The following TONSL variants were observed in gnomAD, a reference collection of about 807,000 sequenced individuals.
The protein encoded by TONSL is tonsoku-like protein.
A neutral mutation model predicts 147.1 loss-of-function variants in TONSL; 112 were observed. The observed-to-expected ratio is 0.76, with a 90% CI of 0.65 to 0.89. The LOEUF is 0.89. TONSL is among the 40% of genes least tolerant of loss of function. The pLI is 0.00. For missense variants in TONSL, 1,883 were observed against 1,864.6 expected, an observed-to-expected ratio of 1.01 and a Z score of -0.18; for synonymous variants, 868 against 801.5, an observed-to-expected ratio of 1.08 and a Z score of -1.40.
Position 144,443,969 on chromosome 8 carries a change from G to T in TONSL, c.177C>A (p.Arg59=). Residue 59 remains arginine (R), a synonymous_variant, in exon 3 of 26, where the codon CGC becomes CGA. Coordinates refer to ENST00000409379, the MANE Select transcript of TONSL (RefSeq NM_013432.5). Reference sequence around the variant, plus strand: ...CGGCACAGCCCAGAGGGTCGTCAGCGCGCTCCCGAAGCTGCAGCTCCTGCC... The same window carrying T: ...CGGCACAGCCCAGAGGGTCGTCAGCTCGCTCCCGAAGCTGCAGCTCCTGCC... ...QHWQELQLRE[R]ADDPLGCAVA... 1 of 1,541,712 alleles carries T rather than the reference G, an allele frequency of 6.5e-7. No homozygotes were observed.
chr8:144,432,343 A>AC lies in TONSL; in HGVS notation c.3676dup (p.Val1226GlyfsTer7). 6.2e-7 allele frequency: 1 copy of AC among 1,613,586 alleles called. No homozygotes were observed. Among genetic ancestry groups the AC allele is most frequent in the Non-Finnish European group, 8.5e-7 (1 of 1,179,894 alleles). On this transcript the variant is annotated frameshift_variant, in exon 23 of 26. Transcript: ENST00000409379. LOFTEE classifies it high-confidence loss of function. ...GTCCGAATCACCCTTGCCGGCTGCC[A>AC]CGGAGCTGAGCTCTAAGTGCAGGAG...
In TONSL at chr8:144,438,730, C is replaced by T. The variant is rs566416003; in HGVS notation, c.1486G>A (p.Asp496Asn). 5.6e-6 allele frequency: 9 copies of T among 1,612,952 alleles called. No homozygotes were observed. The highest frequency in any genetic ancestry group is 3.3e-5 in the South Asian group (3 of 91,046). Residue 496 changes from aspartate (D) to asparagine (N), a missense_variant, in exon 12 of 26, where the codon GAC becomes AAC. Coordinates refer to ENST00000409379, the MANE Select transcript of TONSL (RefSeq NM_013432.5). ...GEVELSEGED[D>N]TDGLTPQLEE... The stretch of plus-strand genomic sequence containing the variant: ...AGCTGCGGGGTCAGGCCATCGGTGT[C>T]GTCCTCTGGAACAGAGCCAAGCCCA...
Position 144,436,114 on chromosome 8 carries a change from C to A in TONSL, c.2319G>T (p.Thr773=). 6.4e-7 allele frequency: 1 copy of A among 1,556,660 alleles called. No individual in the cohort carries two copies. The highest frequency in any genetic ancestry group is 8.6e-7 in the Non-Finnish European group (1 of 1,157,870). The change falls in exon 17 of 26, where the codon ACG becomes ACT. Residue 773 remains threonine (T), a synonymous_variant. Coordinates refer to ENST00000409379, the MANE Select transcript of TONSL (RefSeq NM_013432.5). The part of the protein sequence containing the change: ...SATAQRVAAW[T]PGPASNREAA... ...CTTCCCTGTTGCTGGCGGGGCCAGG[C>A]GTCCAGGCTGCCACCCGTTGTGCTG...
chr8:144,430,342 G>A, intron 25 of TONSL, 62 bp downstream of exon 25: 1 of 1,468,818 alleles, frequency 6.8e-7, no homozygotes. Flanking sequence ...AGGCACCTGG[G>A]TCTCAGGCAG....
Position 144,438,638 on chromosome 8 carries a change from G to C in TONSL, c.1563+15C>G. 1 of 1,612,880 alleles carries C rather than the reference G, an allele frequency of 6.2e-7. No homozygotes were observed. Among genetic ancestry groups the C allele is most frequent in the Non-Finnish European group, 8.5e-7 (1 of 1,179,872 alleles). ...CTGCTGAGCGGGGTGGGTGGGGGCA[G>C]GGCACTGTCCTCACCTTGCTCCCCT... On this transcript the variant is annotated intron_variant, in intron 12 of 25. Coordinates refer to ENST00000409379, the MANE Select transcript of TONSL (RefSeq NM_013432.5).
Position 144,434,127 on chromosome 8 carries a change from T to A in TONSL, c.3238A>T (p.Asn1080Tyr), listed in dbSNP as rs782633814. 1 of 1,611,960 alleles carries A rather than the reference T, an allele frequency of 6.2e-7. No homozygotes were observed. Among genetic ancestry groups the A allele is most frequent in the African/African-American group, 1.3e-5 (1 of 74,910 alleles). Reference sequence around the variant, plus strand: ...GCCACACACTTGTCCCCCAGCCGGTTCCCTGCCAGGCGCAGCTCCCGGAGT... The same window carrying A: ...GCCACACACTTGTCCCCCAGCCGGTACCCTGCCAGGCGCAGCTCCCGGAGT... ...TALRELRLAG[N>Y]RLGDKCVAEL... Residue 1080 changes from asparagine (N) to tyrosine (Y), a missense_variant, in exon 21 of 26, where the codon AAC becomes TAC. Coordinates refer to ENST00000409379, the MANE Select transcript of TONSL (RefSeq NM_013432.5).
rs371459550 is a variant in TONSL, at chr8:144,428,822, G to C, written c.*321C>G. ...TTTTTTTTTTTGAGACGGAGTCTCG[G>C]TCTGTCGCCCAGGCTGGAGTGCAGT... On this transcript the variant is annotated 3_prime_UTR_variant, in exon 26 of 26. Coordinates refer to ENST00000409379, the MANE Select transcript of TONSL (RefSeq NM_013432.5). 87 of 232,948 alleles carry C rather than the reference G, an allele frequency of 3.7e-4. No individual in the cohort carries two copies. The South Asian group carries it at 4.1e-3, about 11-fold the overall frequency. The allele number at this position is 232,948 out of a possible 1,614,324, so 14.4% of individuals were successfully genotyped here.
At position 144,443,561 on chromosome 8, in the gene TONSL, C is replaced by T. The variant is rs371362547; in HGVS notation, c.265-240G>A. On this transcript the variant is annotated intron_variant, in intron 3 of 25. Coordinates refer to ENST00000409379, the MANE Select transcript of TONSL (RefSeq NM_013432.5). ...GTGGGGAGGGGCAGCTGGGAGTTGG[C>T]GGGGGGGTTGCAGTCCTGCCTCCAG... Among the ~76,000 whole-genome samples, 126 of 152,246 alleles carry T rather than the reference C, an allele frequency of 8.3e-4. 1 individual carries two copies. In the South Asian group the frequency reaches 0.025, roughly 30 times the overall value.
In TONSL at chr8:144,443,305, A is replaced by G. The variant is rs1564734971; in HGVS notation, c.281T>C (p.Leu94Pro). ...GTTGCGCAGGGAATGTGCCAGCTCC[A>G]GGTACTGGTGCTGGTGCTGAGTGTG... ...PAALQHQHQYLELAHSLRNHT... is the reference protein window; with the variant it reads ...PAALQHQHQYPELAHSLRNHT... The change falls in exon 4 of 26, where the codon CTG becomes CCG. Residue 94 changes from leucine to proline, a missense_variant. Transcript: ENST00000409379. 1.3e-6 allele frequency: 2 copies of G among 1,550,234 alleles called. No homozygotes were observed. Among genetic ancestry groups the G allele is most frequent in the Non-Finnish European group, 1.7e-6 (2 of 1,146,688 alleles).
chr8:144,429,569 G>C (rs1564724689), intron 25 of TONSL, among the ~76,000 whole-genome samples: 1 of 152,134 alleles, frequency 6.6e-6, no homozygotes, highest in Non-Finnish European at 1.5e-5. Flanking sequence ...CTCTGACAGT[G>C]CCCGATCTCA....
At position 144,437,164 on chromosome 8, in the gene TONSL, G is replaced by A. The variant is rs1012763957; in HGVS notation, c.1654-65C>T. 3.9e-6 allele frequency: 6 copies of A among 1,526,446 alleles called. No individual in the cohort carries two copies. The Admixed American group carries it at 5.5e-5, about 14-fold the overall frequency. 94.6% of individuals were successfully genotyped at this position (1,526,446 alleles called of 1,614,324 possible). On this transcript the variant is annotated intron_variant, in intron 13 of 25. Transcript: ENST00000409379. ...TCACAGCCTGGCCCCAGCCCCGTGA[G>A]CTCTGCAGCCTAAGCTGAGCCCAGG...
At position 144,436,402 on chromosome 8, in the gene TONSL, C is replaced by T; in HGVS notation, c.2031G>A (p.Gln677=). The T allele has an allele frequency of 6.6e-7, 1 of 1,509,122 alleles. No homozygotes were observed. The allele number at this position is 1,509,122 out of a possible 1,614,324, so 93.5% of individuals were successfully genotyped here. A position where few individuals can be genotyped will look rare whatever the true frequency, so the allele number is the denominator to read the frequency against. Residue 677 remains glutamine (Q), a synonymous_variant, in exon 17 of 26, where the codon CAG becomes CAA. Coordinates refer to ENST00000409379, the MANE Select transcript of TONSL (RefSeq NM_013432.5). The part of the protein sequence containing the change: ...AASGQDPHSS[Q]AFHTPSSLLF... ...GAAGGCTGCTTGGGGTGTGGAAGGCCTGGGAGCTGTGGGGATCTGTGGGAG... is the reference window on the plus strand; with the variant it reads ...GAAGGCTGCTTGGGGTGTGGAAGGCTTGGGAGCTGTGGGGATCTGTGGGAG...
Position 144,435,481 on chromosome 8 carries a change from G to A in TONSL, c.2845C>T (p.Pro949Ser). The change falls in exon 18 of 26, where the codon CCA becomes TCA. Residue 949 changes from proline (P) to serine (S), a missense_variant. Transcript: ENST00000409379. ...GGGCAGGCGATGCCTCACCTGTGTG[G>A]GACAGGGATGAGGAAGAGATGATCC... is the stretch of plus-strand genomic sequence containing the variant. ...VQDHLFLIPV[P>S]HSSDTHSVAW... The A allele has an allele frequency of 6.5e-7, 1 of 1,547,826 alleles. No individual in the cohort carries two copies. The highest frequency in any genetic ancestry group is 1.2e-5 in the South Asian group (1 of 83,684).
In TONSL at chr8:144,442,424, T is replaced by C. The variant is rs1433581385; in HGVS notation, c.579-12A>G. On this transcript the variant is annotated splice_polypyrimidine_tract_variant and intron_variant, in intron 5 of 25. Coordinates refer to ENST00000409379, the MANE Select transcript of TONSL (RefSeq NM_013432.5). ...AAAGGTGGTTCTGCCTGCAGAGGGG[T>C]GACGACCACTGAGCACCCAGGAGTG... 1 of 1,527,400 alleles carries C rather than the reference T, an allele frequency of 6.5e-7. No individual in the cohort carries two copies. The highest frequency in any genetic ancestry group is 8.8e-7 in the Non-Finnish European group (1 of 1,137,610). 94.6% of individuals were successfully genotyped at this position (1,527,400 alleles called of 1,614,324 possible). A position where few individuals can be genotyped will look rare whatever the true frequency, so the allele number is the denominator to read the frequency against.
At position 144,441,202 on chromosome 8, in the gene TONSL, C is replaced by T. The variant is rs560532888; in HGVS notation, c.866-91G>A. The stretch of plus-strand genomic sequence containing the variant: ...AAGCTGTGAGCCCTGTGGTGGCCCC[C>T]CCACTCTCTCCACACCTCTGCCTGC... On this transcript the variant is annotated intron_variant, in intron 7 of 25. Coordinates refer to ENST00000409379, the MANE Select transcript of TONSL (RefSeq NM_013432.5). 133 of 1,514,578 alleles carry T rather than the reference C, an allele frequency of 8.8e-5. 1 individual carries two copies. Among genetic ancestry groups the T allele is most frequent in the Middle Eastern group, 4.7e-4 (2 of 4,254 alleles). The allele number at this position is 1,514,578 out of a possible 1,614,324, so 93.8% of individuals were successfully genotyped here. A position where few individuals can be genotyped will look rare whatever the true frequency, so the allele number is the denominator to read the frequency against.
intron 9 of TONSL, 101 bp downstream of exon 9, chr8:144,440,617 C>A: frequency 6.5e-7 from 1 of 1,532,360 alleles, no homozygotes; most frequent in South Asian, 1.2e-5. Flanking sequence ...GAAGGAGCTG[C>A]CCGTCCAGTA....
At chr8:144,437,979 T>C (rs1367585484) in intron 13 of TONSL, among the ~76,000 whole-genome samples, 1 of 151,760 alleles carries the variant, frequency 6.6e-6, no homozygotes, top group Admixed American at 6.6e-5. Context: ...CATGGCTCAC[T>C]GCAGCCTCCA....
At chr8:144,441,657 T>C in intron 7 of TONSL, 1 of 222,316 alleles carries the variant, frequency 4.5e-6, no homozygotes, top group Non-Finnish European at 9.0e-6. Context: ...GCTGCCAACC[T>C]CCAATGGTGG....
Position 144,440,089 on chromosome 8 carries a change from GCCTCCTCCT to G in TONSL, c.1403_1411del (p.Glu468_Glu470del), listed in dbSNP as rs745438969. ...CTCCGCTGTGGCTGCCGCCTCCTCC[GCCTCCTCCT>G]CCTCATCTTCATCTTCAGCTACACT... On this transcript the variant is annotated inframe_deletion, in exon 11 of 26. Coordinates refer to ENST00000409379, the MANE Select transcript of TONSL (RefSeq NM_013432.5). 1 of 1,605,098 alleles carries G rather than the reference GCCTCCTCCT, an allele frequency of 6.2e-7. No individual in the cohort carries two copies. The highest frequency in any genetic ancestry group is 1.1e-5 in the South Asian group (1 of 90,836).
Sources: gnomAD v4.1 joint callset for allele counts (sites outside exome capture counted in the v4.1 genomes callset) on GRCh38, gnomAD v4.1.1 for gene constraint, MANE v1.5 for transcripts, NCBI Gene and HGNC (gene_info 2026-07-23, HGNC 2026-07-21) for gene names.